Variants in GABRB1 observed in about 807,000 individuals in gnomAD.
The protein encoded by GABRB1 is gamma-aminobutyric acid receptor subunit beta-1.
A neutral mutation model predicts 51.6 loss-of-function variants in GABRB1; 17 were observed. The ratio of observed to expected loss-of-function variants is 0.33; its 90% confidence interval spans 0.23 to 0.49. The LOEUF (loss-of-function observed/expected upper bound fraction) is 0.49, where lower values mean the gene tolerates loss of function less well. GABRB1 is among the 20% of genes least tolerant of loss of function. GABRB1 has a pLI of 0.99. For missense variants in GABRB1, 410 were observed against 600.6 expected, an observed-to-expected ratio of 0.68 and a Z score of 3.32; for synonymous variants, 247 against 218.9, an observed-to-expected ratio of 1.13 and a Z score of -1.14.
At chr4:47,338,242 C>T (rs1226335172) in intron 5 of GABRB1, among the ~76,000 whole-genome samples, 1 of 152,160 alleles carries the variant, frequency 6.6e-6, no homozygotes, top group Admixed American at 6.5e-5. Flanking sequence ...CTCTTCCTGG[C>T]TGTATTTATC....
chr4:47,049,236 C>T (rs771065025), intron 3 of GABRB1, among the ~76,000 whole-genome samples: 2 of 152,078 alleles, frequency 1.3e-5, no homozygotes, highest in Non-Finnish European at 1.5e-5. Context: ...AAGATGAAGA[C>T]CCGAATAATC....
At chr4:47,170,998 C>T (rs908563232) in intron 4 of GABRB1, among the ~76,000 whole-genome samples, 1 of 152,058 alleles carries the variant, frequency 6.6e-6, no homozygotes, top group Non-Finnish European at 1.5e-5. Context: ...ATATGGAAAA[C>T]TTTATAATTA....
At chr4:47,079,690 C>A (rs921795925) in intron 3 of GABRB1, among the ~76,000 whole-genome samples, 1 of 151,850 alleles carries the variant, frequency 6.6e-6, no homozygotes, top group African/African-American at 2.4e-5. Context: ...GAGTTCATGT[C>A]CTTTGTAGGG....
chr4:47,123,977 GCACA>G (rs34476294), intron 3 of GABRB1, among the ~76,000 whole-genome samples: 8 of 112,976 alleles, frequency 7.1e-5, no homozygotes, highest in African/African-American at 2.7e-4. Context: ...ATGCACACAT[GCACA>G]CACACACACA....
chr4:47,103,436 A>G (rs1714808482), intron 3 of GABRB1, among the ~76,000 whole-genome samples: 1 of 151,976 alleles, frequency 6.6e-6, no homozygotes, highest in African/African-American at 2.4e-5. Flanking sequence ...TATTGAACTA[A>G]CACTTTTTGT....
intron 8 of GABRB1, among the ~76,000 whole-genome samples, chr4:47,408,439 G>C (rs1271729360): frequency 6.6e-6 from 1 of 152,176 alleles, no homozygotes; most frequent in South Asian, 2.1e-4. Flanking sequence ...TTAGTAGGAC[G>C]AAAGTTTGGA....
chr4:47,130,060 A>G (rs1716339099), intron 3 of GABRB1, among the ~76,000 whole-genome samples: 1 of 152,168 alleles, frequency 6.6e-6, no homozygotes, highest in Non-Finnish European at 1.5e-5. Flanking sequence ...CCTCTCCTCC[A>G]TTGCGTGGAT....
intron 3 of GABRB1, among the ~76,000 whole-genome samples, chr4:47,070,183 G>A (rs1042885506): frequency 6.6e-6 from 1 of 150,654 alleles, no homozygotes; most frequent in Non-Finnish European, 1.5e-5. Flanking sequence ...CTACAGGCAA[G>A]CACCACCATG....
intron 8 of GABRB1, among the ~76,000 whole-genome samples, chr4:47,421,289 A>G (rs1357653324): frequency 6.6e-6 from 1 of 152,100 alleles, no homozygotes; most frequent in Non-Finnish European, 1.5e-5. Flanking sequence ...GTTAACCAAA[A>G]TAGCTTAATA....
At chr4:47,382,756 C>A (rs905140228) in intron 5 of GABRB1, among the ~76,000 whole-genome samples, 1 of 152,206 alleles carries the variant, frequency 6.6e-6, no homozygotes, top group Non-Finnish European at 1.5e-5. Flanking sequence ...TCCCAGGCAG[C>A]TCTAAAGACC....
At chr4:47,337,553 C>T (rs1053593223) in intron 5 of GABRB1, among the ~76,000 whole-genome samples, 3 of 151,830 alleles carry the variant, frequency 2.0e-5, no homozygotes, top group African/African-American at 7.3e-5. Flanking sequence ...ACCTATAATT[C>T]CTGCGCTTTG....
intron 4 of GABRB1, among the ~76,000 whole-genome samples, chr4:47,288,591 A>G (rs1723602663): frequency 6.6e-6 from 1 of 152,076 alleles, no homozygotes; most frequent in South Asian, 2.1e-4. Context: ...TGTTTTCCTA[A>G]GGTCTAGCAG....
chr4:47,366,757 C>T (rs536178524), intron 5 of GABRB1, among the ~76,000 whole-genome samples: 1 of 152,246 alleles, frequency 6.6e-6, no homozygotes, highest in South Asian at 2.1e-4. Flanking sequence ...CGTAATTTTC[C>T]TCCAAGTTTA....
intron 5 of GABRB1, among the ~76,000 whole-genome samples, chr4:47,370,258 G>A (rs185444950): frequency 2.3e-3 from 352 of 152,296 alleles, no homozygotes; most frequent in African/African-American, 8.2e-3. Flanking sequence ...GGTGGCCGAG[G>A]CGAGTGGATC....
chr4:47,273,299 C>T (rs990669650), intron 4 of GABRB1, among the ~76,000 whole-genome samples: 1 of 152,128 alleles, frequency 6.6e-6, no homozygotes, highest in Non-Finnish European at 1.5e-5. Flanking sequence ...AATGCACATG[C>T]TAAATAAGAA....
At chr4:47,186,852 C>T (rs898071322) in intron 4 of GABRB1, among the ~76,000 whole-genome samples, 6 of 151,890 alleles carry the variant, frequency 4.0e-5, no homozygotes, top group Non-Finnish European at 8.8e-5. Flanking sequence ...TAATAGGTAA[C>T]AATTGAATAA....
At chr4:47,035,950 G>T (rs181701240) in intron 3 of GABRB1, among the ~76,000 whole-genome samples, 22 of 152,186 alleles carry the variant, frequency 1.4e-4, no homozygotes, top group Admixed American at 3.3e-4. Context: ...TTCCAACCAG[G>T]CAGCTCTCTG....
At chr4:47,354,444 A>G (rs1015435634) in intron 5 of GABRB1, among the ~76,000 whole-genome samples, 1 of 152,128 alleles carries the variant, frequency 6.6e-6, no homozygotes, top group African/African-American at 2.4e-5. Flanking sequence ...CTTCTTAAAC[A>G]CACACTCTGT....
intron 3 of GABRB1, among the ~76,000 whole-genome samples, chr4:47,101,344 A>G (rs998341097): frequency 6.6e-6 from 1 of 152,076 alleles, no homozygotes; most frequent in African/African-American, 2.4e-5. Flanking sequence ...AAGGGGAACA[A>G]AAATGCAGAC....
Sources: allele counts gnomAD v4.1 joint callset (sites outside exome capture counted in the v4.1 genomes callset), GRCh38; gene constraint gnomAD v4.1.1; transcripts MANE v1.5; gene names NCBI Gene and HGNC (gene_info 2026-07-23, HGNC 2026-07-21).